Variants in CNTNAP4 observed in about 807,000 individuals in gnomAD.
CNTNAP4 encodes contactin-associated protein-like 4.
Under a neutral mutation model 148.4 loss-of-function variants are expected in CNTNAP4, and 98 were observed. That is an observed-to-expected ratio of 0.66 (90% CI 0.56 to 0.78). CNTNAP4 has a LOEUF of 0.78. Ranked by LOEUF, CNTNAP4 falls within the 30% of genes least tolerant of loss-of-function variation. CNTNAP4 has a pLI of 0.00. For missense variants in CNTNAP4, 1,935 were observed against 1,565.6 expected (o/e 1.24, Z -3.98); for synonymous variants, 730 against 565.1 (o/e 1.29, Z -4.14).
intron 3 of CNTNAP4, among the ~76,000 whole-genome samples, chr16:76,366,229 C>T (rs1423460394): frequency 6.6e-6 from 1 of 152,036 alleles, no homozygotes; most frequent in Non-Finnish European, 1.5e-5. Context: ...TTTTGTCAGC[C>T]AGGTACTAAG....
In CNTNAP4 at chr16:76,539,750, A is replaced by G. The variant is rs1379398656; in HGVS notation, c.3252A>G (p.Lys1084=). Residue 1084 remains lysine (K), a synonymous_variant, in exon 20 of 24, where the codon AAA becomes AAG. Transcript: ENST00000611870. The part of the protein sequence containing the change: ...GSLQIRYKLN[K]YQEPDVVNFD... ...TGCAGATCAGGTACAAGTTAAATAAATATCAAGAGCCTGATGTTGTTAACT... is the reference window on the plus strand; with the variant it reads ...TGCAGATCAGGTACAAGTTAAATAAGTATCAAGAGCCTGATGTTGTTAACT... The G allele has an allele frequency of 1.1e-5, 18 of 1,600,532 alleles. No individual in the cohort carries two copies. In the Admixed American group the frequency reaches 3.0e-4, roughly 27 times the overall value.
chr16:76,383,205 A>G lies in CNTNAP4; in HGVS notation c.390+27694A>G, dbSNP rs1250547375. 5.3e-5 allele frequency among the ~76,000 whole-genome samples: 8 copies of G among 152,116 alleles called. No homozygotes were observed. In the South Asian group the frequency reaches 8.3e-4, roughly 16 times the overall value. Reference sequence around the variant, plus strand: ...TTTTGGAAGCACTCCAGGTCAGCATACAAAATTTAAGAATGTTAGAATAAC... The same window carrying G: ...TTTTGGAAGCACTCCAGGTCAGCATGCAAAATTTAAGAATGTTAGAATAAC... On this transcript the variant is annotated intron_variant, in intron 3 of 23. Transcript: ENST00000611870.
intron 2 of CNTNAP4, among the ~76,000 whole-genome samples, chr16:76,337,915 G>A (rs1597240536): frequency 6.6e-6 from 1 of 152,152 alleles, no homozygotes; most frequent in African/African-American, 2.4e-5. Context: ...CAGACCTTAA[G>A]GTTATCTTCC....
In CNTNAP4 at chr16:76,535,768, G is replaced by A. The variant is rs192146332; in HGVS notation, c.2979G>A (p.Gly993=). ...ACTGCACTTTCTCTGCATACACAGG[G>A]CCATTCTGCTCAAATGGTAAGTGTG... is the stretch of plus-strand genomic sequence containing the variant. ...FCDCTFSAYT[G]PFCSNEISAY... is the part of the protein sequence containing the mutation. Residue 993 remains glycine, a synonymous_variant, in exon 18 of 24, where the codon GGG becomes GGA. Coordinates refer to ENST00000611870, the MANE Select transcript of CNTNAP4 (RefSeq NM_033401.5). 1 of 1,613,660 alleles carries A rather than the reference G, an allele frequency of 6.2e-7. No homozygotes were observed. Among genetic ancestry groups the A allele is most frequent in the Admixed American group, 1.7e-5 (1 of 59,996 alleles).
chr16:76,494,856 G>C (rs933548985), intron 13 of CNTNAP4, 54 bp from the exon 14 acceptor site: 1 of 1,524,848 alleles, frequency 6.6e-7, no homozygotes, highest in Non-Finnish European at 9.0e-7. Context: ...TATATTGGGA[G>C]AGAAGGTGGT....
chr16:76,494,190 T>G (rs909759231), intron 13 of CNTNAP4, among the ~76,000 whole-genome samples: 1 of 152,140 alleles, frequency 6.6e-6, no homozygotes, highest in Non-Finnish European at 1.5e-5. Context: ...GGCATCGTGT[T>G]TAGTCTTAAC....
chr16:76,535,566 G>A lies in CNTNAP4; in HGVS notation c.2777G>A (p.Arg926Lys). The change falls in exon 18 of 24, where the codon AGA becomes AAA. Residue 926 changes from arginine (R) to lysine (K), a missense_variant. Physicochemically the swap from Arg to Lys is conservative, Grantham distance 26 (BLOSUM62 2). Transcript: ENST00000611870. ...TTAGGTGGAACGGCCACCAGACAGA[G>A]AGGCTTTCTGGGCTGCATTCGGTCT... Reference protein sequence around the residue: ...LFVGGTATRQRGFLGCIRSLQ... With the variant: ...LFVGGTATRQKGFLGCIRSLQ... 1 of 1,612,288 alleles carries A rather than the reference G, an allele frequency of 6.2e-7. No individual in the cohort carries two copies. The highest frequency in any genetic ancestry group is 8.5e-7 in the Non-Finnish European group (1 of 1,179,882).
In CNTNAP4 at chr16:76,535,696, C is replaced by T; in HGVS notation, c.2907C>T (p.Cys969=). The change falls in exon 18 of 24, where the codon TGC becomes TGT. Residue 969 remains cysteine (C), a synonymous_variant. Coordinates refer to ENST00000611870, the MANE Select transcript of CNTNAP4 (RefSeq NM_033401.5). ...ATTGCAGCAGCTATGGGAAGTTATG[C>T]CGCAATGGAGGGAAATGCAGAGAAA... ...RGHCSSYGKL[C]RNGGKCRERP... 1 of 1,613,902 alleles carries T rather than the reference C, an allele frequency of 6.2e-7. No individual in the cohort carries two copies. Among genetic ancestry groups the T allele is most frequent in the Non-Finnish European group, 8.5e-7 (1 of 1,179,882 alleles).
intron 1 of CNTNAP4, among the ~76,000 whole-genome samples, chr16:76,313,524 G>T (rs572778826): frequency 6.6e-6 from 1 of 152,138 alleles, no homozygotes; most frequent in Non-Finnish European, 1.5e-5. Flanking sequence ...TCCATGGGTT[G>T]TATATCTTTT....
chr16:76,373,986 A>G (rs1438233387), intron 3 of CNTNAP4, among the ~76,000 whole-genome samples: 1 of 152,136 alleles, frequency 6.6e-6, no homozygotes, highest in Non-Finnish European at 1.5e-5. Flanking sequence ...AATCAGAGAG[A>G]TAAGAGATAC....
rs74026711 is a variant in CNTNAP4, at chr16:76,330,922, C to A, written c.196+14399C>A. Among the ~76,000 whole-genome samples, 560 of 152,220 alleles carry A rather than the reference C, an allele frequency of 3.7e-3. 2 individuals carry two copies. The highest frequency in any genetic ancestry group is 0.013 in the African/African-American group (530 of 41,542). ...ATTTGAATGTGGCAATTTTTAAAAG[C>A]ATCTAAATAGTGCTGGATAGATCTG... is the stretch of plus-strand genomic sequence containing the variant. On this transcript the variant is annotated intron_variant, in intron 2 of 23. Coordinates refer to ENST00000611870, the MANE Select transcript of CNTNAP4 (RefSeq NM_033401.5).
chr16:76,402,089 G>A (rs1185670979), intron 3 of CNTNAP4, among the ~76,000 whole-genome samples: 2 of 152,060 alleles, frequency 1.3e-5, no homozygotes, highest in African/African-American at 2.4e-5. Flanking sequence ...TTCCTCCTCA[G>A]TTTTTTGGAA....
At chr16:76,404,447 C>T (rs895411609) in intron 3 of CNTNAP4, among the ~76,000 whole-genome samples, 3 of 150,892 alleles carry the variant, frequency 2.0e-5, no homozygotes, top group East Asian at 1.9e-4. Flanking sequence ...CACACACAGA[C>T]ACACACACAC....
chr16:76,287,093 A>G (rs1958920301), intron 1 of CNTNAP4, among the ~76,000 whole-genome samples: 7 of 152,214 alleles, frequency 4.6e-5, no homozygotes, highest in Admixed American at 4.6e-4. Context: ...CCTCTTAAGT[A>G]TCAAAAGATG....
intron 2 of CNTNAP4, among the ~76,000 whole-genome samples, chr16:76,348,539 C>T (rs1028362885): frequency 5.9e-5 from 9 of 152,072 alleles, no homozygotes; most frequent in Admixed American, 5.2e-4. Context: ...GCAATGAGAG[C>T]GAGAAGGAGC....
At chr16:76,554,228 A>C (rs190519286) in intron 23 of CNTNAP4, among the ~76,000 whole-genome samples, 2 of 152,214 alleles carry the variant, frequency 1.3e-5, no homozygotes, top group African/African-American at 4.8e-5. Context: ...AGAATTGTGA[A>C]TATATTTGAG....
chr16:76,341,578 A>C (rs1444763087), intron 2 of CNTNAP4, among the ~76,000 whole-genome samples: 2 of 152,198 alleles, frequency 1.3e-5, no homozygotes, highest in African/African-American at 4.8e-5. Flanking sequence ...TTATGTGGCC[A>C]TCTGGTTTTG....
chr16:76,296,341 A>G (rs1454854317), intron 1 of CNTNAP4, among the ~76,000 whole-genome samples: 1 of 152,154 alleles, frequency 6.6e-6, no homozygotes, highest in Non-Finnish European at 1.5e-5. Context: ...TTTGACTTAA[A>G]TAGTAAAGAT....
intron 8 of CNTNAP4, among the ~76,000 whole-genome samples, chr16:76,453,039 A>G (rs1385069911): frequency 6.6e-6 from 1 of 152,196 alleles, no homozygotes; most frequent in East Asian, 1.9e-4. Context: ...CCAGACAAAG[A>G]ACATATCCTA....
Sources: allele counts gnomAD v4.1 joint callset (sites outside exome capture counted in the v4.1 genomes callset), GRCh38; gene constraint gnomAD v4.1.1; transcripts MANE v1.5; gene names NCBI Gene and HGNC (gene_info 2026-07-23, HGNC 2026-07-21).